EVC: variants seen among roughly 807,000 people sequenced by gnomAD.
The protein encoded by EVC is evC complex member EVC.
A neutral mutation model predicts 118.9 loss-of-function variants in EVC; 116 were observed. That is an observed-to-expected ratio of 0.98 (90% CI 0.84 to 1.14). The LOEUF (loss-of-function observed/expected upper bound fraction) is 1.14, where lower values mean the gene tolerates loss of function less well. Ranked by LOEUF, EVC falls within the 50% of genes most tolerant of loss-of-function variation. The pLI, the probability that EVC is intolerant of heterozygous loss-of-function variation, is 0.00. For synonymous variants in EVC, 619 were observed against 534.7 expected (o/e 1.16, Z -2.18); for missense variants, 1,401 against 1,246.4 (o/e 1.12, Z -1.87).
At chr4:5,741,075 A>G (rs1728493789) in intron 5 of EVC, among the ~76,000 whole-genome samples, 1 of 152,236 alleles carries the variant, frequency 6.6e-6, no homozygotes, top group South Asian at 2.1e-4. Context: ...CAGAAGACCC[A>G]GCAATTGCAT....
At chr4:5,724,881 G>T (rs1725563883) in intron 2 of EVC, among the ~76,000 whole-genome samples, 1 of 151,474 alleles carries the variant, frequency 6.6e-6, no homozygotes, top group Admixed American at 6.6e-5. Flanking sequence ...CCCTCCCCTC[G>T]CCCCCGACAG....
At chr4:5,822,126 G>C in the EVC span, among the ~76,000 whole-genome samples, 1 of 152,340 alleles carries the variant, frequency 6.6e-6, no homozygotes, top group African/African-American at 2.4e-5. Context: ...CCTGAGACAG[G>C]TGATCAAACA....
At chr4:5,739,832 G>C (rs1350416086) in intron 5 of EVC, among the ~76,000 whole-genome samples, 1 of 151,090 alleles carries the variant, frequency 6.6e-6, no homozygotes, top group African/African-American at 2.4e-5. Flanking sequence ...TTGGGAGGTG[G>C]AGGCAGGCAG....
rs577809694 is a variant in EVC, at chr4:5,810,886, A to G, written c.2895-67A>G. On this transcript the variant is annotated intron_variant, in intron 20 of 20. Coordinates refer to ENST00000264956, the MANE Select transcript of EVC (RefSeq NM_153717.3). ...GCATTTTCATTTAATCCGATTGGGT[A>G]AGTTATGGCATCATGATGGGCATGG... 2.3e-5 allele frequency: 32 copies of G among 1,383,908 alleles called. 1 individual carries two copies. The South Asian group carries it at 3.9e-4, about 17-fold the overall frequency. 85.7% of individuals were successfully genotyped at this position (1,383,908 alleles called of 1,614,324 possible). A position where few individuals can be genotyped will look rare whatever the true frequency, so the allele number is the denominator to read the frequency against.
rs775819388 is a variant in EVC at position 5,753,918 on chromosome 4, G to A, written c.1449G>A (p.Pro483=). The change falls in exon 10 of 21, where the codon CCG becomes CCA. Residue 483 remains proline (P), a synonymous_variant. Transcript: ENST00000264956. The stretch of plus-strand genomic sequence containing the variant: ...CTGAGGCCCAGCCGACTGCTGACCC[G>A]GAAAAGTTTCTCGAGGTGACTCACA... ...FLAEAQPTAD[P]EKFLEAFHEV... 20 of 1,613,212 alleles carry A rather than the reference G, an allele frequency of 1.2e-5. No homozygotes were observed. The highest frequency in any genetic ancestry group is 1.2e-4 in the Admixed American group (7 of 59,998).
At position 5,812,284 on chromosome 4, in the gene EVC, CT is replaced by C. The variant is rs1421533238; in HGVS notation, c.*1250del. The C allele has an allele frequency of 2.5e-4, 40 of 163,202 alleles. 1 individual carries two copies. Among genetic ancestry groups the C allele is most frequent in the South Asian group, 7.5e-4 (5 of 6,694 alleles). The allele number at this position is 163,202 out of a possible 1,614,324, so 10.1% of individuals were successfully genotyped here. On this transcript the variant is annotated 3_prime_UTR_variant, in exon 21 of 21. Coordinates refer to ENST00000264956, the MANE Select transcript of EVC (RefSeq NM_153717.3). ...CCCTCACACCACAGCCAGGAGAGGC[CT>C]TTCCCACCGGGAGAGAAACTTCCAG...
intron 1 of EVC, among the ~76,000 whole-genome samples, chr4:5,711,800 G>A (rs1723076080): frequency 6.6e-6 from 1 of 152,192 alleles, no homozygotes; most frequent in African/African-American, 2.4e-5. Flanking sequence ...CTTGACAGCA[G>A]CCCAACTGCG....
intron 17 of EVC, 151 bp from the exon 18 acceptor site, chr4:5,808,050 C>T: frequency 1.5e-6 from 1 of 688,888 alleles, no homozygotes; most frequent in South Asian, 1.7e-5. Context: ...GGGACTGGAG[C>T]TGGGGCTGCT....
At position 5,741,823 on chromosome 4, in the gene EVC, T is replaced by C. The variant is rs775191328; in HGVS notation, c.801+9T>C. On this transcript the variant is annotated intron_variant, in intron 6 of 20. Coordinates refer to ENST00000264956, the MANE Select transcript of EVC (RefSeq NM_153717.3). Reference sequence around the variant, plus strand: ...TTTCAAAACAAGAAAAAGTAAGTCTTCAACCTATGTTTCAAGGTAACTTAA... The same window carrying C: ...TTTCAAAACAAGAAAAAGTAAGTCTCCAACCTATGTTTCAAGGTAACTTAA... 9 of 1,359,936 alleles carry C rather than the reference T, an allele frequency of 6.6e-6. No individual in the cohort carries two copies. In the South Asian group the frequency reaches 9.4e-5, roughly 14 times the overall value. 84.2% of individuals were successfully genotyped at this position (1,359,936 alleles called of 1,614,324 possible). A position where few individuals can be genotyped will look rare whatever the true frequency, so the allele number is the denominator to read the frequency against.
chr4:5,718,673 T>C (rs1276065436), intron 1 of EVC, among the ~76,000 whole-genome samples: 1 of 152,206 alleles, frequency 6.6e-6, no homozygotes, highest in Non-Finnish European at 1.5e-5. Flanking sequence ...TGAATAACTG[T>C]AAAAGCGCCA....
At chr4:5,771,503 A>C (rs1387491229) in intron 11 of EVC, among the ~76,000 whole-genome samples, 1 of 152,206 alleles carries the variant, frequency 6.6e-6, no homozygotes, top group African/African-American at 2.4e-5. Context: ...TTTACCATGT[A>C]AAGTTCCGTG....
intron 1 of EVC, among the ~76,000 whole-genome samples, chr4:5,716,633 T>C (rs1341643163): frequency 6.6e-6 from 1 of 152,240 alleles, no homozygotes; most frequent in African/African-American, 2.4e-5. Flanking sequence ...AGATGTTATC[T>C]TTAGTTTCTG....
chr4:5,772,257 C>T (rs966155378), intron 11 of EVC, among the ~76,000 whole-genome samples: 1 of 152,092 alleles, frequency 6.6e-6, no homozygotes, highest in Non-Finnish European at 1.5e-5. Flanking sequence ...TGCAGAAGTA[C>T]AACTCACAGT....
At position 5,752,861 on chromosome 4, in the gene EVC, G is replaced by T; in HGVS notation, c.1124G>T (p.Arg375Leu). Residue 375 changes from arginine (R) to leucine (L), a missense_variant, in exon 9 of 21, where the codon CGG (arginine) becomes CTG (leucine). Physicochemically the swap from Arg to Leu is moderately radical, Grantham distance 102 (BLOSUM62 -2). Coordinates refer to ENST00000264956, the MANE Select transcript of EVC (RefSeq NM_153717.3). Reference protein sequence around the residue: ...ALDALERTMGRAHMAKVIEFL... With the variant: ...ALDALERTMGLAHMAKVIEFL... ...GACGCCCTGGAGAGGACGATGGGGCGGGCGCACATGGCAAAAGTGATTGAG... is the reference window on the plus strand; with the variant it reads ...GACGCCCTGGAGAGGACGATGGGGCTGGCGCACATGGCAAAAGTGATTGAG... 2 of 1,614,210 alleles carry T rather than the reference G, an allele frequency of 1.2e-6. No homozygotes were observed. The highest frequency in any genetic ancestry group is 8.5e-7 in the Non-Finnish European group (1 of 1,180,016).
chr4:5,787,389 T>C (rs1577578637), intron 12 of EVC, among the ~76,000 whole-genome samples: 1 of 152,204 alleles, frequency 6.6e-6, no homozygotes, highest in African/African-American at 2.4e-5. Context: ...CTTGGCCCCA[T>C]GTTATCACAA....
chr4:5,816,262 G>A (rs918511798), downstream of EVC, among the ~76,000 whole-genome samples: 1 of 152,132 alleles, frequency 6.6e-6, no homozygotes, highest in African/African-American at 2.4e-5. Flanking sequence ...CATCCGCCTT[G>A]TTCTGGCTGT....
chr4:5,797,024 C>A lies in EVC; in HGVS notation c.1889C>A (p.Ser630Tyr). 1 of 1,611,874 alleles carries A rather than the reference C, an allele frequency of 6.2e-7. No homozygotes were observed. The highest frequency in any genetic ancestry group is 8.5e-7 in the Non-Finnish European group (1 of 1,178,854). ...LGRLGGLTEESTRCVLQGHDL... is the reference protein window; with the variant it reads ...LGRLGGLTEEYTRCVLQGHDL... ...CCCCTCACCTGCTTTCCTCAAAGGT[C>A]CACGCGGTGTGTCCTGCAGGGGCAT... The change falls in exon 14 of 21, where the codon TCC (serine) becomes TAC (tyrosine). Residue 630 changes from serine (S) to tyrosine (Y), a missense_variant and splice_region_variant. Physicochemically the swap from Ser to Tyr is moderately radical, Grantham distance 144. Coordinates refer to ENST00000264956, the MANE Select transcript of EVC (RefSeq NM_153717.3).
chr4:5,766,696 C>T (rs1388279704), intron 11 of EVC, among the ~76,000 whole-genome samples: 13 of 135,254 alleles, frequency 9.6e-5, no homozygotes, highest in Non-Finnish European at 1.7e-4. Flanking sequence ...TTGATCGCAT[C>T]GGCTCCTGAG....
chr4:5,719,652 C>A lies in EVC; in HGVS notation c.300+279C>A, dbSNP rs1724613446. 6.6e-6 allele frequency among the ~76,000 whole-genome samples: 1 copy of A among 152,220 alleles called. No homozygotes were observed. Among genetic ancestry groups the A allele is most frequent in the South Asian group, 2.1e-4 (1 of 4,834 alleles). ...GCCCCTTTCTGGTCACTTCCCGCCC[C>A]CACACACTTCCAGAGGTGCCCATGC... On this transcript the variant is annotated intron_variant, in intron 2 of 20. Coordinates refer to ENST00000264956, the MANE Select transcript of EVC (RefSeq NM_153717.3). This position sits in a 1 kb window ranked among gnomAD's most constrained non-coding sequence, Gnocchi z 4.7.
Sources: gnomAD v4.1 joint callset for allele counts (sites outside exome capture counted in the v4.1 genomes callset) on GRCh38, gnomAD v4.1.1 for gene constraint, Gnocchi (gnomAD v3.1) non-coding constraint, MANE v1.5 for transcripts, NCBI Gene and HGNC (gene_info 2026-07-23, HGNC 2026-07-21) for gene names.